Variants in ONECUT2 observed in about 807,000 individuals in gnomAD.
ONECUT2 encodes one cut homeobox 2.
ONECUT2 carries 10 observed loss-of-function variants against 27.9 expected under a neutral mutation model. The observed-to-expected ratio is 0.36, with a 90% CI of 0.22 to 0.61. The LOEUF is 0.61. Ranked by LOEUF, ONECUT2 falls within the 20% of genes least tolerant of loss-of-function variation. The pLI, the probability that ONECUT2 is intolerant of heterozygous loss-of-function variation, is 0.73. For synonymous variants in ONECUT2, 334 were observed against 315.1 expected (o/e 1.06, Z -0.64); for missense variants, 686 against 721.0 (o/e 0.95, Z 0.56).
rs1415402225 is a variant in ONECUT2 at position 57,487,898 on chromosome 18, C to G, written c.*11175C>G. ...TCTTTCTTATACTTGGGTTCAAAGA[C>G]CCATTCTCCAGTTTCATATTTCCCA... On this transcript the variant is annotated 3_prime_UTR_variant, in exon 2 of 2. Coordinates refer to ENST00000491143, the MANE Select transcript of ONECUT2 (RefSeq NM_004852.3). The G allele has an allele frequency of 6.6e-6, 1 of 152,180 alleles. No individual in the cohort carries two copies. Among genetic ancestry groups the G allele is most frequent in the East Asian group, 1.9e-4 (1 of 5,194 alleles). The allele number at this position is 152,180 out of a possible 1,614,324, so 9.4% of individuals were successfully genotyped here. A position where few individuals can be genotyped will look rare whatever the true frequency, so the allele number is the denominator to read the frequency against.
In ONECUT2 at chr18:57,435,540, C is replaced by T. The variant is rs1430924533; in HGVS notation, c.-177C>T. On this transcript the variant is annotated 5_prime_UTR_variant, in exon 1 of 2. Transcript: ENST00000491143. ...GCACGCACGCCCCGTCCGCCCCCAC[C>T]CCGCCCCCACCCCGGGCGAGCCCGC... 1 of 148,930 alleles carries T rather than the reference C, an allele frequency of 6.7e-6. No individual in the cohort carries two copies. The highest frequency in any genetic ancestry group is 1.5e-5 in the Non-Finnish European group (1 of 68,300). The allele number at this position is 148,930 out of a possible 1,614,324, so 9.2% of individuals were successfully genotyped here.
rs580902 is a variant in ONECUT2, at chr18:57,482,537, G to C, written c.*5814G>C. 0.98 allele frequency: 149,632 copies of C among 152,348 alleles called. 73,547 individuals carry two copies. Among genetic ancestry groups the C allele is most frequent in the East Asian group, 1 (5,190 of 5,190 alleles). The allele number at this position is 152,348 out of a possible 1,614,324, so 9.4% of individuals were successfully genotyped here. A position where few individuals can be genotyped will look rare whatever the true frequency, so the allele number is the denominator to read the frequency against. ...TAATACCTTTTCTAGTGGAGAAAAAGACATTGCTACCAGCTTGTTCATCCC... is the reference window on the plus strand; with the variant it reads ...TAATACCTTTTCTAGTGGAGAAAAACACATTGCTACCAGCTTGTTCATCCC... On this transcript the variant is annotated 3_prime_UTR_variant, in exon 2 of 2. Coordinates refer to ENST00000491143, the MANE Select transcript of ONECUT2 (RefSeq NM_004852.3).
chr18:57,464,909 TTATTTTCATAGAAAA>T (rs1262961503), intron 1 of ONECUT2, among the ~76,000 whole-genome samples: 10 of 152,338 alleles, frequency 6.6e-5, no homozygotes, highest in South Asian at 2.1e-4. Flanking sequence ...TGTCTTCAAG[TTATTTTCATAGAAAA>T]TATTTTCATA....
At position 57,479,109 on chromosome 18, in the gene ONECUT2, G is replaced by A. The variant is rs1403364348; in HGVS notation, c.*2386G>A. The stretch of plus-strand genomic sequence containing the variant: ...TATGTTCAGAGTCTCATCATCAGGG[G>A]AAGGAAAGGGAGTGAGGGTCAGGGA... On this transcript the variant is annotated 3_prime_UTR_variant, in exon 2 of 2. Transcript: ENST00000491143. 1 of 152,536 alleles carries A rather than the reference G, an allele frequency of 6.6e-6. No homozygotes were observed. Among genetic ancestry groups the A allele is most frequent in the Non-Finnish European group, 1.5e-5 (1 of 68,042 alleles). 9.4% of individuals were successfully genotyped at this position (152,536 alleles called of 1,614,324 possible).
At chr18:57,442,336 T>C (rs2050180314) in intron 1 of ONECUT2, among the ~76,000 whole-genome samples, 2 of 149,240 alleles carry the variant, frequency 1.3e-5, no homozygotes, top group African/African-American at 2.5e-5. Context: ...GGGAAAGCAG[T>C]GTTTTCCAGC....
chr18:57,454,749 G>A (rs542757216), intron 1 of ONECUT2, among the ~76,000 whole-genome samples: 3 of 152,252 alleles, frequency 2.0e-5, no homozygotes, highest in South Asian at 4.1e-4. Context: ...TTGCAAACTG[G>A]CCAACCATGC....
intron 1 of ONECUT2, among the ~76,000 whole-genome samples, chr18:57,441,877 C>G (rs977224698): frequency 9.2e-5 from 14 of 152,252 alleles, no homozygotes; most frequent in African/African-American, 2.7e-4. Context: ...AGGCTCTGCG[C>G]TGGACTGGTC....
intron 1 of ONECUT2, chr18:57,467,353 TTTG>T (rs144127872): frequency 0.58 from 179,718 of 310,398 alleles, 46,680 homozygotes; most frequent in Middle Eastern, 0.67. Context: ...TGGTTTTTTT[TTTG>T]TTTGTTTGTT....
chr18:57,445,433 A>G (rs570501617), intron 1 of ONECUT2, among the ~76,000 whole-genome samples: 21 of 152,348 alleles, frequency 1.4e-4, no homozygotes, highest in African/African-American at 4.8e-4. Flanking sequence ...CTCCAGAACC[A>G]TCGGCACAAT....
In ONECUT2 at chr18:57,480,054, G is replaced by A. The variant is rs1177948472; in HGVS notation, c.*3331G>A. 1 of 152,272 alleles carries A rather than the reference G, an allele frequency of 6.6e-6. No individual in the cohort carries two copies. The allele number at this position is 152,272 out of a possible 1,614,324, so 9.4% of individuals were successfully genotyped here. ...AATCCTGAAGAGAAAATATAAAGCA[G>A]GTTTTGGGGAGACTTCTGGAGTCCT... is the stretch of plus-strand genomic sequence containing the variant. On this transcript the variant is annotated 3_prime_UTR_variant, in exon 2 of 2. Coordinates refer to ENST00000491143, the MANE Select transcript of ONECUT2 (RefSeq NM_004852.3).
rs920303777 is a variant in ONECUT2, at chr18:57,490,517, G to A, written c.*13794G>A. The A allele has an allele frequency of 6.6e-6, 1 of 152,144 alleles. No homozygotes were observed. Among genetic ancestry groups the A allele is most frequent in the Admixed American group, 6.5e-5 (1 of 15,272 alleles). 9.4% of individuals were successfully genotyped at this position (152,144 alleles called of 1,614,324 possible). A position where few individuals can be genotyped will look rare whatever the true frequency, so the allele number is the denominator to read the frequency against. ...AGAATTTGTCCCAGATCTGTTTAAA[G>A]TTTCAAAATTTAAAAAGGGACCCAT... On this transcript the variant is annotated 3_prime_UTR_variant, in exon 2 of 2. Coordinates refer to ENST00000491143, the MANE Select transcript of ONECUT2 (RefSeq NM_004852.3).
intron 1 of ONECUT2, among the ~76,000 whole-genome samples, chr18:57,453,004 G>A (rs1468922676): frequency 6.6e-6 from 1 of 152,170 alleles, no homozygotes; most frequent in East Asian, 1.9e-4. Flanking sequence ...TTTAAACTTA[G>A]GTTCTACATC....
intron 1 of ONECUT2, among the ~76,000 whole-genome samples, chr18:57,451,091 A>G (rs2050227584): frequency 6.6e-6 from 1 of 152,240 alleles, no homozygotes; most frequent in African/African-American, 2.4e-5. Flanking sequence ...AACTGAAACT[A>G]AGATCATTTA....
chr18:57,470,787 CCA>C (rs543525590), intron 1 of ONECUT2, among the ~76,000 whole-genome samples: 10 of 149,602 alleles, frequency 6.7e-5, no homozygotes, highest in Non-Finnish European at 1.0e-4. Flanking sequence ...ACACACACAA[CCA>C]CACACACACA....
intron 1 of ONECUT2, among the ~76,000 whole-genome samples, chr18:57,442,205 G>C (rs1378497532): frequency 6.6e-6 from 1 of 151,780 alleles, no homozygotes; most frequent in African/African-American, 2.4e-5. Flanking sequence ...AAAAGATCAG[G>C]GACCTAAGTG....
chr18:57,467,198 G>C, intron 1 of ONECUT2: 1 of 456,600 alleles, frequency 2.2e-6, no homozygotes, highest in Non-Finnish European at 4.4e-6. Flanking sequence ...AATGGTCGCT[G>C]TGCGGTCTGC....
chr18:57,472,879 C>T (rs984750195), intron 1 of ONECUT2, among the ~76,000 whole-genome samples: 4 of 152,118 alleles, frequency 2.6e-5, no homozygotes, highest in Non-Finnish European at 5.9e-5. Context: ...TCCAAAGGAG[C>T]GTGAATTGAC....
At chr18:57,447,506 G>A (rs1207480597) in intron 1 of ONECUT2, among the ~76,000 whole-genome samples, 1 of 152,254 alleles carries the variant, frequency 6.6e-6, no homozygotes, top group Non-Finnish European at 1.5e-5. Flanking sequence ...TGGGTGAGAA[G>A]ACAAAAGATG....
Position 57,476,660 on chromosome 18 carries a change from G to C in ONECUT2, c.1452G>C (p.Lys484Asn). The C allele has an allele frequency of 6.2e-7, 1 of 1,614,224 alleles. No individual in the cohort carries two copies. The highest frequency in any genetic ancestry group is 8.5e-7 in the Non-Finnish European group (1 of 1,180,052). The change falls in exon 2 of 2, where the codon AAG (lysine) becomes AAC (asparagine). Residue 484 changes from lysine (K) to asparagine (N), a missense_variant. Transcript: ENST00000491143. ...ACGCCCGGCGCCGCAGCCTGGAGAA[G>C]TGGCAAGACGATCTGAGCACAGGGG... ...FMNARRRSLE[K>N]WQDDLSTGGS...
Sources: gnomAD v4.1 joint callset for allele counts (sites outside exome capture counted in the v4.1 genomes callset) on GRCh38, gnomAD v4.1.1 for gene constraint, MANE v1.5 for transcripts, NCBI Gene and HGNC (gene_info 2026-07-23, HGNC 2026-07-21) for gene names.